The following CDH12 variants were observed in gnomAD, a reference collection of about 807,000 sequenced individuals.
CDH12 encodes the protein cadherin-12.
In CDH12, 41 loss-of-function variants were observed where a neutral mutation model predicts 74.1. The observed-to-expected ratio is 0.55, with a 90% confidence interval of 0.43 to 0.72. The LOEUF (loss-of-function observed/expected upper bound fraction) is 0.72. Among genes scored for constraint, CDH12 ranks in the 30% least tolerant of loss-of-function variants. CDH12 has a pLI of 0.00. For missense variants in CDH12, 945 were observed against 977.2 expected (o/e 0.97, Z 0.44); for synonymous variants, 399 against 355.0 (o/e 1.12, Z -1.39).
intron 1 of CDH12, among the ~76,000 whole-genome samples, chr5:22,568,820 T>A (rs1007346595): frequency 5.9e-5 from 9 of 152,210 alleles, no homozygotes; most frequent in African/African-American, 2.2e-4. Context: ...TGTGCGATAG[T>A]ATGATGACTA....
intron 1 of CDH12, among the ~76,000 whole-genome samples, chr5:22,776,176 A>G (rs1289173682): frequency 6.6e-6 from 1 of 152,106 alleles, no homozygotes; most frequent in African/African-American, 2.4e-5. Context: ...GAGTGAGGAT[A>G]TTTATCTATT....
At chr5:22,100,309 G>C (rs1744062632) in intron 4 of CDH12, among the ~76,000 whole-genome samples, 1 of 152,152 alleles carries the variant, frequency 6.6e-6, no homozygotes, top group South Asian at 2.1e-4. Context: ...GGGATAGTGA[G>C]AGATATATTG....
chr5:22,261,548 G>A (rs976903620), intron 3 of CDH12, among the ~76,000 whole-genome samples: 1 of 151,842 alleles, frequency 6.6e-6, no homozygotes, highest in Admixed American at 6.6e-5. Flanking sequence ...GTTCATACTG[G>A]GCTCATCTTG....
chr5:21,972,651 G>A (rs1756901833), intron 6 of CDH12, among the ~76,000 whole-genome samples: 1 of 152,102 alleles, frequency 6.6e-6, no homozygotes, highest in African/African-American at 2.4e-5. Flanking sequence ...AAATTTCAAG[G>A]CAGAAACAGC....
At chr5:22,471,072 CTCTTT>C (rs1478385464) in intron 2 of CDH12, among the ~76,000 whole-genome samples, 15 of 148,158 alleles carry the variant, frequency 1.0e-4, no homozygotes, top group Admixed American at 1.4e-4. Flanking sequence ...AAATCCACAA[CTCTTT>C]TCTTGTCAAG....
At chr5:22,556,613 G>A (rs910012329) in intron 1 of CDH12, among the ~76,000 whole-genome samples, 4 of 151,948 alleles carry the variant, frequency 2.6e-5, no homozygotes, top group Non-Finnish European at 5.9e-5. Flanking sequence ...TTAAGAATAC[G>A]TTAAATAATT....
chr5:22,815,976 A>G (rs540881305), intron 1 of CDH12, among the ~76,000 whole-genome samples: 1 of 152,102 alleles, frequency 6.6e-6, no homozygotes, highest in Non-Finnish European at 1.5e-5. Flanking sequence ...GTGTTAAAAG[A>G]CTTGAAGAAA....
chr5:22,778,349 C>T (rs1396509944), intron 1 of CDH12, among the ~76,000 whole-genome samples: 1 of 152,070 alleles, frequency 6.6e-6, no homozygotes, highest in Non-Finnish European at 1.5e-5. Context: ...GGGAATTTCT[C>T]TTCATAGTAA....
Position 21,765,095 on chromosome 5 carries a change from G to T in CDH12, c.1398C>A (p.Asn466Lys). 4 of 1,567,330 alleles carry T rather than the reference G, an allele frequency of 2.6e-6. No homozygotes were observed. The highest frequency in any genetic ancestry group is 3.4e-6 in the Non-Finnish European group (4 of 1,159,726). ...TATTGACTTTGCTGGTCAATAAAGGGTTACCTGTTAAAAACATATAAAGAT... is the reference window on the plus strand; with the variant it reads ...TATTGACTTTGCTGGTCAATAAAGGTTTACCTGTTAAAAACATATAAAGAT... ...NFSIIASKVS[N>K]PLLTSKVNIL... The change falls in exon 12 of 15, where the codon AAC (asparagine) becomes AAA (lysine). Residue 466 changes from asparagine to lysine, a missense_variant. Asn to Lys is a moderately conservative substitution (Grantham distance 94). Transcript: ENST00000382254.
chr5:22,761,377 C>T (rs959108960), intron 1 of CDH12, among the ~76,000 whole-genome samples: 5 of 152,226 alleles, frequency 3.3e-5, no homozygotes, highest in African/African-American at 9.6e-5. Context: ...CGGCTAAGAA[C>T]GGAAAATGCC....
At chr5:22,402,330 G>T (rs1022608056) in intron 3 of CDH12, among the ~76,000 whole-genome samples, 1 of 152,168 alleles carries the variant, frequency 6.6e-6, no homozygotes, top group African/African-American at 2.4e-5. Context: ...TTTTTGAATA[G>T]ATGTCAGTAG....
intron 6 of CDH12, among the ~76,000 whole-genome samples, chr5:21,894,179 G>A (rs1428592649): frequency 6.6e-6 from 1 of 151,994 alleles, no homozygotes. Flanking sequence ...AGCAGTTCGA[G>A]ACCAGTCTCA....
intron 3 of CDH12, among the ~76,000 whole-genome samples, chr5:22,383,840 C>T (rs1261368): frequency 0.35 from 52,537 of 151,974 alleles, 10,334 homozygotes; most frequent in Admixed American, 0.46. Flanking sequence ...CTCCCGCTCT[C>T]CCCCATTTCT....
chr5:22,314,375 G>A (rs993554796), intron 3 of CDH12, among the ~76,000 whole-genome samples: 2 of 152,170 alleles, frequency 1.3e-5, no homozygotes, highest in African/African-American at 4.8e-5. Context: ...TTAGGGTGGA[G>A]CCCTAATCCA....
At chr5:21,894,055 T>G (rs1478091924) in intron 6 of CDH12, among the ~76,000 whole-genome samples, 1 of 152,102 alleles carries the variant, frequency 6.6e-6, no homozygotes, top group Non-Finnish European at 1.5e-5. Context: ...TTTAAACAAT[T>G]AAAGTATAGA....
At chr5:22,755,712 T>C (rs1421236876) in intron 1 of CDH12, among the ~76,000 whole-genome samples, 1 of 152,152 alleles carries the variant, frequency 6.6e-6, no homozygotes, top group African/African-American at 2.4e-5. Flanking sequence ...AAACTTTACT[T>C]GCCCAAATAT....
intron 2 of CDH12, among the ~76,000 whole-genome samples, chr5:22,412,238 G>C (rs555709060): frequency 6.6e-6 from 1 of 151,828 alleles, no homozygotes; most frequent in Admixed American, 6.6e-5. Flanking sequence ...GTTTTAAGAC[G>C]AATGCCAATC....
At chr5:21,773,337 C>T (rs1443621856) in intron 11 of CDH12, among the ~76,000 whole-genome samples, 1 of 152,078 alleles carries the variant, frequency 6.6e-6, no homozygotes, top group African/African-American at 2.4e-5. Flanking sequence ...AAGAGGCAGA[C>T]CCACCCTCAA....
intron 1 of CDH12, among the ~76,000 whole-genome samples, chr5:22,508,109 T>C (rs1000865772): frequency 1.4e-4 from 21 of 152,224 alleles, no homozygotes; most frequent in South Asian, 1.0e-3. Flanking sequence ...TAATCACAGC[T>C]GCAAAGACCC....
Sources: allele counts gnomAD v4.1 joint callset (sites outside exome capture counted in the v4.1 genomes callset), GRCh38; gene constraint gnomAD v4.1.1; transcripts MANE v1.5; gene names NCBI Gene and HGNC (gene_info 2026-07-23, HGNC 2026-07-21).